Variants in LMBR1 observed in about 807,000 individuals in gnomAD.
The protein encoded by LMBR1 is limb region 1 protein homolog.
LMBR1 carries 52 observed loss-of-function variants against 73.9 expected under a neutral mutation model. The ratio of observed to expected loss-of-function variants is 0.70; its 90% CI spans 0.56 to 0.89. LMBR1 has a LOEUF of 0.89. Ranked by LOEUF, LMBR1 falls within the 40% of genes least tolerant of loss-of-function variation. The pLI is 0.00. For synonymous variants in LMBR1, 215 were observed against 209.4 expected (o/e 1.03, Z -0.23); for missense variants, 539 against 579.8 (o/e 0.93, Z 0.72).
chr7:156,789,178 C>T lies in LMBR1; in HGVS notation c.423+7211G>A, dbSNP rs557251823. On this transcript the variant is annotated intron_variant, in intron 5 of 16. Transcript: ENST00000353442. ...ATATATTGAATCCTAACTTTTTCTA[C>T]TGTTAGTGTGTCCTTATTTTTTCCG... Among the ~76,000 whole-genome samples the T allele has an allele frequency of 2.6e-5, 4 of 152,256 alleles. No homozygotes were observed. The East Asian group carries it at 7.7e-4, about 29-fold the overall frequency.
chr7:156,746,013 C>T (rs898834649), intron 9 of LMBR1, among the ~76,000 whole-genome samples: 2 of 152,090 alleles, frequency 1.3e-5, no homozygotes, highest in African/African-American at 2.4e-5. Flanking sequence ...TTTCTGGCAG[C>T]CACAGCAAAG....
In LMBR1 at chr7:156,682,396, G is replaced by A. The variant is rs1805213560; in HGVS notation, c.*1682C>T. ...CCAAGCTTCACTAAAAATCAAACCT[G>A]GCAATTAATACTTCAATAGGCATAA... On this transcript the variant is annotated 3_prime_UTR_variant, in exon 17 of 17. Transcript: ENST00000353442. 1.3e-5 allele frequency: 2 copies of A among 152,018 alleles called. No homozygotes were observed. The highest frequency in any genetic ancestry group is 1.9e-4 in the East Asian group (1 of 5,194). 9.4% of individuals were successfully genotyped at this position (152,018 alleles called of 1,614,324 possible).
At chr7:156,691,298 G>A (rs1179847959) in intron 15 of LMBR1, among the ~76,000 whole-genome samples, 1 of 152,024 alleles carries the variant, frequency 6.6e-6, no homozygotes, top group Non-Finnish European at 1.5e-5. Context: ...TAAGCATAAG[G>A]TTCACATTAT....
chr7:156,758,385 C>T (rs920032847), intron 8 of LMBR1, among the ~76,000 whole-genome samples: 12 of 152,194 alleles, frequency 7.9e-5, no homozygotes, highest in African/African-American at 1.2e-4. Flanking sequence ...CTTATCACCA[C>T]GGGTATGTCT....
chr7:156,751,585 C>T (rs1056053204), intron 9 of LMBR1, among the ~76,000 whole-genome samples: 3 of 152,154 alleles, frequency 2.0e-5, no homozygotes, highest in African/African-American at 4.8e-5. Context: ...CAGATACGCA[C>T]GGAAGCCATT....
chr7:156,820,184 T>C (rs975948127), intron 4 of LMBR1, among the ~76,000 whole-genome samples: 21 of 152,168 alleles, frequency 1.4e-4, no homozygotes, highest in Admixed American at 2.0e-4. Context: ...CTGTACCAGA[T>C]GTGGCTTCAT....
At chr7:156,828,790 A>G (rs1337205947) in intron 3 of LMBR1, among the ~76,000 whole-genome samples, 1 of 152,160 alleles carries the variant, frequency 6.6e-6, no homozygotes, top group Non-Finnish European at 1.5e-5. Context: ...CCCCATCATC[A>G]GTGATGTGGG....
chr7:156,779,247 C>CA (rs1029432748), intron 5 of LMBR1, among the ~76,000 whole-genome samples: 11 of 152,040 alleles, frequency 7.2e-5, no homozygotes, highest in South Asian at 4.1e-4. Flanking sequence ...CCATCCCCCA[C>CA]AAAAAAACCC....
At chr7:156,725,973 G>A in intron 12 of LMBR1, 136 bp from the exon 13 acceptor site, 1 of 629,940 alleles carries the variant, frequency 1.6e-6, no homozygotes, top group Non-Finnish European at 2.7e-6. Flanking sequence ...GACTTTCAAA[G>A]GCCAACAAGA....
At chr7:156,883,142 T>C (rs1156815756) in intron 1 of LMBR1, among the ~76,000 whole-genome samples, 1 of 152,208 alleles carries the variant, frequency 6.6e-6, no homozygotes, top group Non-Finnish European at 1.5e-5. Flanking sequence ...GGCTCACACC[T>C]GTAATCCCAG....
chr7:156,791,634 C>G (rs751686968), intron 5 of LMBR1, among the ~76,000 whole-genome samples: 1 of 152,202 alleles, frequency 6.6e-6, no homozygotes, highest in Non-Finnish European at 1.5e-5. Context: ...CAGCACAGAA[C>G]TCTTCGCTTC....
rs10224728 is a variant in LMBR1 at position 156,733,951 on chromosome 7, G to T, written c.838+226C>A. 239,374 of 338,890 alleles carry T rather than the reference G, an allele frequency of 0.71. 86,099 individuals carry two copies. Among genetic ancestry groups the T allele is most frequent in the African/African-American group, 0.9 (42,783 of 47,292 alleles). The allele number at this position is 338,890 out of a possible 1,614,324, so 21.0% of individuals were successfully genotyped here. A position where few individuals can be genotyped will look rare whatever the true frequency, so the allele number is the denominator to read the frequency against. On this transcript the variant is annotated intron_variant, in intron 10 of 16. Transcript: ENST00000353442. The stretch of plus-strand genomic sequence containing the variant: ...GCAATGGAGCAACATCTTTGAACCT[G>T]TGAACCTTTGAAAAGTCATTTTGTA...
chr7:156,868,864 G>A (rs1798858619), intron 1 of LMBR1, among the ~76,000 whole-genome samples: 1 of 152,072 alleles, frequency 6.6e-6, no homozygotes, highest in South Asian at 2.1e-4. Flanking sequence ...TACTTGAGAG[G>A]CGAGGTGGGA....
At chr7:156,725,133 C>G (rs1181031464) in intron 14 of LMBR1, among the ~76,000 whole-genome samples, 1 of 152,156 alleles carries the variant, frequency 6.6e-6, no homozygotes, top group African/African-American at 2.4e-5. Flanking sequence ...TTAGCACAAT[C>G]CAAGTTACTC....
intron 4 of LMBR1, among the ~76,000 whole-genome samples, chr7:156,812,966 T>C (rs1478015247): frequency 6.6e-6 from 1 of 152,200 alleles, no homozygotes; most frequent in Non-Finnish European, 1.5e-5. Flanking sequence ...TGGGGATTAT[T>C]GTCCTTCTTT....
intron 7 of LMBR1, among the ~76,000 whole-genome samples, 157 bp downstream of exon 7, chr7:156,762,950 AG>A (rs2132923733): frequency 6.6e-6 from 1 of 152,180 alleles, no homozygotes; most frequent in Admixed American, 6.6e-5. Context: ...ATTATTTCAA[AG>A]TTTCCATTTA....
At chr7:156,783,803 A>G (rs1348161619) in intron 5 of LMBR1, among the ~76,000 whole-genome samples, 4 of 152,192 alleles carry the variant, frequency 2.6e-5, no homozygotes, top group Non-Finnish European at 4.4e-5. Context: ...GCTCTTACCC[A>G]TAACAGGAAA....
At chr7:156,784,620 G>A (rs2270264) in intron 5 of LMBR1, among the ~76,000 whole-genome samples, 12,549 of 152,154 alleles carry the variant, frequency 0.082, 717 homozygotes, top group African/African-American at 0.16. Context: ...CTTGAGGAGC[G>A]CAGACAATCA....
chr7:156,676,698 T>TGA, downstream of LMBR1: 9 of 1,495,946 alleles, frequency 6.0e-6, no homozygotes, highest in Non-Finnish European at 8.3e-6. Context: ...GGAAAAAAGT[T>TGA]TACCATCATT....
Sources: allele counts gnomAD v4.1 joint callset (sites outside exome capture counted in the v4.1 genomes callset), GRCh38; gene constraint gnomAD v4.1.1; transcripts MANE v1.5; gene names NCBI Gene and HGNC (gene_info 2026-07-23, HGNC 2026-07-21).